The following MIPEP variants were observed in gnomAD, a reference collection of about 807,000 sequenced individuals.
The protein encoded by MIPEP is mitochondrial intermediate peptidase.
A neutral mutation model predicts 90.3 loss-of-function variants in MIPEP; 79 were observed. The ratio of observed to expected loss-of-function variants is 0.87; its 90% CI spans 0.73 to 1.05. The LOEUF (loss-of-function observed/expected upper bound fraction) is 1.05. Among genes scored for constraint, MIPEP ranks in the 50% least tolerant of loss-of-function variants. The pLI, the probability that MIPEP is intolerant of heterozygous loss-of-function variation, is 0.00. For synonymous variants in MIPEP, 334 were observed against 315.8 expected, an observed-to-expected ratio of 1.06 and a Z score of -0.61; for missense variants, 940 against 905.6, an observed-to-expected ratio of 1.04 and a Z score of -0.49.
rs78808370 is a variant in MIPEP, at chr13:23,789,810, C to T, written c.1848+16140G>A. On this transcript the variant is annotated intron_variant, in intron 16 of 18. Coordinates refer to ENST00000382172, the MANE Select transcript of MIPEP (RefSeq NM_005932.4). ...GGGAATTCCCACCCTCCCCTCTACC[C>T]GCACTAGCAGTTCCACTGCGATCAG... Among the ~76,000 whole-genome samples the T allele has an allele frequency of 3.3e-3, 506 of 152,278 alleles. 2 individuals carry two copies. Among genetic ancestry groups the T allele is most frequent in the African/African-American group, 9.8e-3 (407 of 41,560 alleles).
At chr13:23,737,482 T>A (rs1952278353) in intron 18 of MIPEP, among the ~76,000 whole-genome samples, 1 of 152,132 alleles carries the variant, frequency 6.6e-6, no homozygotes, top group Non-Finnish European at 1.5e-5. Context: ...CTTCACATAT[T>A]TAAGGGGCTC....
Position 23,755,134 on chromosome 13 carries a change from A to G in MIPEP, c.2044+1411T>C, listed in dbSNP as rs562617323. Among the ~76,000 whole-genome samples the G allele has an allele frequency of 7.9e-5, 12 of 152,338 alleles. No individual in the cohort carries two copies. The East Asian group carries it at 2.3e-3, about 29-fold the overall frequency. On this transcript the variant is annotated intron_variant, in intron 18 of 18. Transcript: ENST00000382172. ...ACCATCCCCAGAGGTGGAAAGTTCAATAAGGACCAGTAAGGACTAGCTGTA... is the reference window on the plus strand; with the variant it reads ...ACCATCCCCAGAGGTGGAAAGTTCAGTAAGGACCAGTAAGGACTAGCTGTA...
chr13:23,833,464 C>T (rs1037008287), intron 14 of MIPEP, among the ~76,000 whole-genome samples: 11 of 152,210 alleles, frequency 7.2e-5, no homozygotes, highest in Admixed American at 5.2e-4. Context: ...TAATTCAAAG[C>T]AGCTTAGTGC....
At chr13:23,760,831 G>C (rs1050537182) in intron 16 of MIPEP, among the ~76,000 whole-genome samples, 1 of 152,144 alleles carries the variant, frequency 6.6e-6, no homozygotes, top group African/African-American at 2.4e-5. Flanking sequence ...TCTTCATTAA[G>C]TGAGTTTAAT....
chr13:23,755,934 A>C (rs1033816349), intron 18 of MIPEP, among the ~76,000 whole-genome samples: 9 of 152,162 alleles, frequency 5.9e-5, no homozygotes, highest in Admixed American at 4.6e-4. Context: ...TAAAAAAAAA[A>C]CACTGTGACC....
chr13:23,832,235 A>C (rs1403696343), intron 14 of MIPEP, among the ~76,000 whole-genome samples: 1 of 152,030 alleles, frequency 6.6e-6, no homozygotes, highest in African/African-American at 2.4e-5. Flanking sequence ...ATGTGAGCAC[A>C]CTCAGTCCCT....
chr13:23,797,900 A>C (rs1222238860), intron 16 of MIPEP, among the ~76,000 whole-genome samples: 3 of 152,200 alleles, frequency 2.0e-5, no homozygotes, highest in Non-Finnish European at 4.4e-5. Context: ...CTTGAGAACT[A>C]TTTTGCTTAA....
chr13:23,848,627 G>A lies in MIPEP; in HGVS notation c.1107-7139C>T, dbSNP rs998089836. ...GAGGAACAGAGAGAACTACAAAGAA[G>A]AGGCAGCATCTGGAGCACACCTGGA... On this transcript the variant is annotated intron_variant, in intron 10 of 18. Transcript: ENST00000382172. Among the ~76,000 whole-genome samples, 5 of 152,176 alleles carry A rather than the reference G, an allele frequency of 3.3e-5. 1 individual carries two copies. The highest frequency in any genetic ancestry group is 9.7e-5 in the African/African-American group (4 of 41,436).
intron 14 of MIPEP, among the ~76,000 whole-genome samples, chr13:23,828,361 G>C (rs1374013016): frequency 6.6e-6 from 1 of 152,180 alleles, no homozygotes; most frequent in African/African-American, 2.4e-5. Flanking sequence ...GAAAAGATAC[G>C]TGGTTGGAAA....
chr13:23,775,109 C>CTGTG (rs57354012), intron 16 of MIPEP, among the ~76,000 whole-genome samples: 8,146 of 148,364 alleles, frequency 0.055, 246 homozygotes, highest in Non-Finnish European at 0.065. Flanking sequence ...TATCAGTTCT[C>CTGTG]TGTGTGTGTG....
chr13:23,747,713 C>T (rs1442970968), intron 18 of MIPEP, among the ~76,000 whole-genome samples: 1 of 152,034 alleles, frequency 6.6e-6, no homozygotes, highest in Non-Finnish European at 1.5e-5. Context: ...CAAATAAAAA[C>T]CTGTTCCCAT....
At chr13:23,888,764 G>A (rs1203851565) in intron 1 of MIPEP, 4 of 1,041,878 alleles carry the variant, frequency 3.8e-6, no homozygotes, top group South Asian at 4.6e-5. Flanking sequence ...TCTTAAGGCA[G>A]GACTGTAGCG....
intron 5 of MIPEP, among the ~76,000 whole-genome samples, chr13:23,873,199 G>A (rs1278973608): frequency 2.0e-5 from 3 of 152,248 alleles, no homozygotes; most frequent in Non-Finnish European, 4.4e-5. Context: ...GCAGGCCTAG[G>A]AGGAGGACAG....
intron 18 of MIPEP, among the ~76,000 whole-genome samples, chr13:23,737,666 C>T (rs1952280440): frequency 6.6e-6 from 1 of 152,250 alleles, no homozygotes; most frequent in East Asian, 1.9e-4. Context: ...CATGGCCTCA[C>T]CTGTTTAACC....
At chr13:23,766,536 G>A (rs1417393358) in intron 16 of MIPEP, among the ~76,000 whole-genome samples, 1 of 152,206 alleles carries the variant, frequency 6.6e-6, no homozygotes, top group Non-Finnish European at 1.5e-5. Context: ...GTAGAGCAGA[G>A]GACATATCCT....
chr13:23,787,683 G>A (rs771008672), intron 16 of MIPEP, among the ~76,000 whole-genome samples: 2 of 152,160 alleles, frequency 1.3e-5, no homozygotes, highest in South Asian at 2.1e-4. Context: ...TGATTGCTCA[G>A]CATTGCGAAA....
chr13:23,828,310 A>G (rs936827922), intron 14 of MIPEP, among the ~76,000 whole-genome samples: 1 of 152,252 alleles, frequency 6.6e-6, no homozygotes, highest in Non-Finnish European at 1.5e-5. Context: ...TTTACTCAAC[A>G]TTAAGGAGGC....
intron 16 of MIPEP, chr13:23,766,053 AG>A (rs1215435989): frequency 6.6e-6 from 1 of 152,242 alleles, no homozygotes; most frequent in Non-Finnish European, 1.5e-5. Flanking sequence ...TCATTATTTC[AG>A]AAGTATTTTT....
chr13:23,807,730 T>C (rs1953126424), intron 15 of MIPEP, among the ~76,000 whole-genome samples: 2 of 152,216 alleles, frequency 1.3e-5, no homozygotes. Context: ...TATCAGGAAC[T>C]GAAACTCTTA....
Sources: allele counts gnomAD v4.1 joint callset (sites outside exome capture counted in the v4.1 genomes callset), GRCh38; gene constraint gnomAD v4.1.1; transcripts MANE v1.5; gene names NCBI Gene and HGNC (gene_info 2026-07-23, HGNC 2026-07-21).